Variants in GPR139 observed in about 807,000 individuals in gnomAD.
The protein encoded by GPR139 is probable G protein-coupled receptor 139.
In GPR139, 12 loss-of-function variants were observed where a neutral mutation model predicts 25.8. The observed-to-expected ratio is 0.47, with a 90% CI of 0.30 to 0.75. The LOEUF is 0.75. GPR139 is among the 30% of genes least tolerant of loss of function. The pLI is 0.07. For synonymous variants in GPR139, 184 were observed against 179.9 expected (o/e 1.02, Z -0.18); for missense variants, 380 against 450.2 (o/e 0.84, Z 1.41).
chr16:20,034,830 C>A (rs142371703), intron 1 of GPR139, among the ~76,000 whole-genome samples: 3 of 152,278 alleles, frequency 2.0e-5, no homozygotes, highest in Admixed American at 6.5e-5. Context: ...GACTACATAG[C>A]ATTTTGCTGT....
At chr16:20,051,119 T>C (rs1477496649) in intron 1 of GPR139, among the ~76,000 whole-genome samples, 3 of 151,920 alleles carry the variant, frequency 2.0e-5, no homozygotes, top group Non-Finnish European at 4.4e-5. Flanking sequence ...AACTTATTAT[T>C]TTTCCCCCAA....
intron 1 of GPR139, among the ~76,000 whole-genome samples, chr16:20,066,379 A>C (rs1322448477): frequency 6.6e-6 from 1 of 152,234 alleles, no homozygotes; most frequent in African/African-American, 2.4e-5. Context: ...CATGTTCTGC[A>C]CTGATATTAT....
chr16:20,064,730 C>T (rs2057425417), intron 1 of GPR139, among the ~76,000 whole-genome samples: 1 of 152,130 alleles, frequency 6.6e-6, no homozygotes, highest in Non-Finnish European at 1.5e-5. Context: ...CACTGAGGCT[C>T]CGAAAGGGTG....
chr16:20,052,723 G>A (rs1411252522), intron 1 of GPR139, among the ~76,000 whole-genome samples: 1 of 151,694 alleles, frequency 6.6e-6, no homozygotes, highest in Admixed American at 6.6e-5. Context: ...CGTGAACCGG[G>A]GAGGCGGAGC....
intron 1 of GPR139, among the ~76,000 whole-genome samples, chr16:20,056,072 C>T (rs2141210787): frequency 6.6e-6 from 1 of 152,322 alleles, no homozygotes; most frequent in Middle Eastern, 3.4e-3. Context: ...ATCCATGTTT[C>T]AGCCATGGAT....
intron 1 of GPR139, among the ~76,000 whole-genome samples, chr16:20,034,621 C>G (rs968682022): frequency 4.6e-5 from 7 of 152,164 alleles, no homozygotes; most frequent in Admixed American, 4.6e-4. Context: ...TGCTTTACAT[C>G]TTTGAACTCC....
chr16:20,049,564 G>A (rs2057365228), intron 1 of GPR139, among the ~76,000 whole-genome samples: 2 of 152,222 alleles, frequency 1.3e-5, no homozygotes, highest in Non-Finnish European at 2.9e-5. Flanking sequence ...TGCTTGGCAT[G>A]GAGTAGATGC....
At chr16:20,055,097 C>T (rs1303809512) in intron 1 of GPR139, among the ~76,000 whole-genome samples, 2 of 151,634 alleles carry the variant, frequency 1.3e-5, no homozygotes, top group African/African-American at 2.4e-5. Context: ...TCCCCTACCT[C>T]CTCCCACCCT....
intron 1 of GPR139, among the ~76,000 whole-genome samples, chr16:20,038,202 T>C (rs2057317154): frequency 6.6e-6 from 1 of 151,972 alleles, no homozygotes. Context: ...CAATGCCCAC[T>C]TTCCCTTTCA....
At chr16:20,037,899 C>G (rs762405560) in intron 1 of GPR139, among the ~76,000 whole-genome samples, 1 of 152,098 alleles carries the variant, frequency 6.6e-6, no homozygotes. Flanking sequence ...TCGCTCTTGT[C>G]GGCCAGGCTA....
rs1023707671 is a variant in GPR139, at chr16:20,029,211, G to A, written c.*2524C>T. On this transcript the variant is annotated 3_prime_UTR_variant, in exon 2 of 2. Transcript: ENST00000570682. ...GGAGGAAAAGAGATCACAATACCAC[G>A]TGGTAGAGCCTCTATCATCGAGAAG... 5.3e-5 allele frequency among the ~76,000 whole-genome samples: 8 copies of A among 151,910 alleles called. No individual in the cohort carries two copies. Among genetic ancestry groups the A allele is most frequent in the African/African-American group, 1.7e-4 (7 of 41,348 alleles).
intron 1 of GPR139, among the ~76,000 whole-genome samples, chr16:20,071,426 G>T (rs1295506794): frequency 6.6e-6 from 1 of 152,200 alleles, no homozygotes; most frequent in African/African-American, 2.4e-5. Flanking sequence ...GCTGTCTTTG[G>T]AATCATGCGC....
intron 1 of GPR139, among the ~76,000 whole-genome samples, chr16:20,052,805 G>C (rs2141209416): frequency 6.9e-6 from 1 of 144,422 alleles, no homozygotes; most frequent in Admixed American, 6.9e-5. Context: ...AAAAAAAAAA[G>C]CTTCCATTTA....
intron 1 of GPR139, among the ~76,000 whole-genome samples, chr16:20,058,789 G>C (rs1230135549): frequency 4.6e-5 from 7 of 152,148 alleles, no homozygotes; most frequent in Admixed American, 2.6e-4. Flanking sequence ...TGCCTCTGTC[G>C]GACAGCAGCC....
chr16:20,061,746 C>G (rs2057415170), intron 1 of GPR139, among the ~76,000 whole-genome samples: 1 of 152,226 alleles, frequency 6.6e-6, no homozygotes, highest in Non-Finnish European at 1.5e-5. Flanking sequence ...GTAGTCACCT[C>G]CTCCCCACGC....
At chr16:20,055,498 A>G (rs933404872) in intron 1 of GPR139, among the ~76,000 whole-genome samples, 1 of 152,198 alleles carries the variant, frequency 6.6e-6, no homozygotes, top group Admixed American at 6.5e-5. Flanking sequence ...TTCCAGTGTA[A>G]AAAACAGAGC....
intron 1 of GPR139, among the ~76,000 whole-genome samples, chr16:20,063,837 A>G (rs1042293688): frequency 1.3e-5 from 2 of 152,208 alleles, no homozygotes; most frequent in Non-Finnish European, 2.9e-5. Context: ...GCTATTCTGT[A>G]TTAGTACGTT....
At chr16:20,069,334 G>A (rs1219689240) in intron 1 of GPR139, among the ~76,000 whole-genome samples, 2 of 113,992 alleles carry the variant, frequency 1.8e-5, no homozygotes, top group Non-Finnish European at 4.0e-5. Flanking sequence ...CCAGGACTCA[G>A]ACCCCAGAGG....
At chr16:20,062,039 A>G (rs72772766) in intron 1 of GPR139, among the ~76,000 whole-genome samples, 6,146 of 152,276 alleles carry the variant, frequency 0.04, 148 homozygotes, top group Non-Finnish European at 0.056. Context: ...AGACTGAAGC[A>G]GGAGAATTAC....
Sources: gnomAD v4.1 joint callset for allele counts (sites outside exome capture counted in the v4.1 genomes callset) on GRCh38, gnomAD v4.1.1 for gene constraint, MANE v1.5 for transcripts, NCBI Gene and HGNC (gene_info 2026-07-23, HGNC 2026-07-21) for gene names.